Variants in SI observed in about 807,000 individuals in gnomAD.
SI encodes sucrase-isomaltase.
SI carries 235 observed loss-of-function variants against 253.3 expected under a neutral mutation model. The observed-to-expected ratio is 0.93, with a 90% CI of 0.83 to 1.03. The LOEUF is 1.03. SI is among the 50% of genes least tolerant of loss of function. The pLI, the probability that SI is intolerant of heterozygous loss-of-function variation, is 0.00. For synonymous variants in SI, 819 were observed against 712.0 expected, an observed-to-expected ratio of 1.15 and a Z score of -2.39; for missense variants, 2,442 against 2,211.1, an observed-to-expected ratio of 1.10 and a Z score of -2.09.
Position 165,017,660 on chromosome 3 carries a change from G to T in SI, c.3647C>A (p.Pro1216Gln). The stretch of plus-strand genomic sequence containing the variant: ...CAAAGCCCAATAAGCTGGCATGACT[G>T]GATGGCCAATTACCTTTAAAAAAAA... ...TKQYHEVIGH[P>Q]VMPAYWALGF... The change falls in exon 31 of 48, where the codon CCA (proline) becomes CAA (glutamine). Residue 1216 changes from proline to glutamine, a missense_variant. Transcript: ENST00000264382. 1 of 1,612,586 alleles carries T rather than the reference G, an allele frequency of 6.2e-7. No homozygotes were observed. Among genetic ancestry groups the T allele is most frequent in the Non-Finnish European group, 8.5e-7 (1 of 1,179,062 alleles).
chr3:165,023,507 G>A, intron 26 of SI, 63 bp downstream of exon 26: 1 of 1,065,966 alleles, frequency 9.4e-7, no homozygotes, highest in South Asian at 1.3e-5. Context: ...TCAATCACAG[G>A]ATTATTCAAA....
chr3:165,085,674 A>G, the SI span, among the ~76,000 whole-genome samples: 2 of 152,194 alleles, frequency 1.3e-5, no homozygotes, highest in African/African-American at 4.8e-5. Flanking sequence ...TCACTGCCTC[A>G]TAAACAATGT....
intron 20 of SI, among the ~76,000 whole-genome samples, chr3:165,038,774 A>G (rs936219635): frequency 1.3e-5 from 2 of 152,180 alleles, no homozygotes; most frequent in East Asian, 1.9e-4. Flanking sequence ...AAGCATTAAA[A>G]TAAGTTGCCA....
At chr3:164,994,707 G>A (rs1717931418) in intron 40 of SI, among the ~76,000 whole-genome samples, 1 of 151,640 alleles carries the variant, frequency 6.6e-6, no homozygotes, top group Non-Finnish European at 1.5e-5. Context: ...TTAGGTGATA[G>A]TCAGTGTTAG....
At chr3:164,986,655 T>A (rs997563188) in intron 45 of SI, among the ~76,000 whole-genome samples, 10 of 152,200 alleles carry the variant, frequency 6.6e-5, no homozygotes, top group African/African-American at 2.4e-4. Context: ...TGATTACATA[T>A]GTTTGTTATG....
At chr3:165,008,577 T>A (rs1259148428) in intron 35 of SI, among the ~76,000 whole-genome samples, 1 of 152,060 alleles carries the variant, frequency 6.6e-6, no homozygotes, top group African/African-American at 2.4e-5. Flanking sequence ...CCTTATGGTA[T>A]ACCAATTGCT....
rs548665378 is a variant in SI at position 165,011,786 on chromosome 3, A to T, written c.4062+1194T>A. ...TATTTATTTATTATTTATTATTATT[A>T]TTTATTTATTATTGTTCTATTTATT... On this transcript the variant is annotated intron_variant, in intron 34 of 47. Coordinates refer to ENST00000264382, the MANE Select transcript of SI (RefSeq NM_001041.4). 2.0e-5 allele frequency among the ~76,000 whole-genome samples: 3 copies of T among 147,410 alleles called. No individual in the cohort carries two copies. The East Asian group carries it at 5.9e-4, about 29-fold the overall frequency.
At chr3:164,997,606 C>T (rs1260795406) in intron 38 of SI, among the ~76,000 whole-genome samples, 1 of 151,636 alleles carries the variant, frequency 6.6e-6, no homozygotes, top group East Asian at 1.9e-4. Flanking sequence ...AAGCATAGTA[C>T]TTGACAGGCT....
At position 165,009,339 on chromosome 3, in the gene SI, C is replaced by G. The variant is rs751871061; in HGVS notation, c.4119G>C (p.Trp1373Cys). ...AAAAGTCCACAATTTCTCTGGCCCA[C>G]CACTCTGCTGTGGAAGTCCTGAAGA... is the stretch of plus-strand genomic sequence containing the variant. ...PDFFRTSTAE[W>C]WAREIVDFYN... The change falls in exon 35 of 48, where the codon TGG becomes TGC. Residue 1373 changes from tryptophan (W) to cysteine (C), a missense_variant. Trp to Cys is a radical substitution (Grantham distance 215, BLOSUM62 -2). Transcript: ENST00000264382. 1 of 1,613,676 alleles carries G rather than the reference C, an allele frequency of 6.2e-7. No homozygotes were observed. Among genetic ancestry groups the G allele is most frequent in the Non-Finnish European group, 8.5e-7 (1 of 1,179,728 alleles).
chr3:165,081,916 G>A (rs1163779608), upstream of SI, among the ~76,000 whole-genome samples: 2 of 152,092 alleles, frequency 1.3e-5, no homozygotes, highest in South Asian at 4.1e-4. Flanking sequence ...AGAACCATTG[G>A]AAAGACCGAT....
At chr3:165,034,045 A>T (rs185789575) in intron 22 of SI, among the ~76,000 whole-genome samples, 1 of 151,746 alleles carries the variant, frequency 6.6e-6, no homozygotes, top group African/African-American at 2.4e-5. Flanking sequence ...GGACTGAAAT[A>T]GTTTGTCATA....
rs1229533501 is a variant in SI, at chr3:164,983,012, T to C, written c.5237A>G (p.Asn1746Ser). ...ERDLYLSVQFNLNQTTLTSTI... is the reference protein window; with the variant it reads ...ERDLYLSVQFSLNQTTLTSTI... ...AATAATCTTACATACCTGGTTTAAA[T>C]TAAATTGTACAGATAAATATAGGTC... The change falls in exon 46 of 48, where the codon AAT becomes AGT. Residue 1746 changes from asparagine (N) to serine (S), a missense_variant. Transcript: ENST00000264382. 1 of 1,549,452 alleles carries C rather than the reference T, an allele frequency of 6.5e-7. No individual in the cohort carries two copies. The highest frequency in any genetic ancestry group is 8.8e-7 in the Non-Finnish European group (1 of 1,130,218).
At chr3:165,000,572 A>G (rs1028215853) in intron 37 of SI, among the ~76,000 whole-genome samples, 4 of 151,550 alleles carry the variant, frequency 2.6e-5, no homozygotes, top group African/African-American at 7.2e-5. Context: ...TTAATTGTAA[A>G]TTAAAATAAA....
At chr3:164,992,102 G>A (rs577524975) in intron 43 of SI, 75 bp downstream of exon 43, 87 of 1,203,162 alleles carry the variant, frequency 7.2e-5, no homozygotes, top group East Asian at 2.8e-4. Flanking sequence ...CCAACATACC[G>A]TTAATGAAAA....
At chr3:165,011,783 ATTAT>A (rs962167374) in intron 34 of SI, among the ~76,000 whole-genome samples, 8 of 147,452 alleles carry the variant, frequency 5.4e-5, no homozygotes, top group East Asian at 3.9e-4. Context: ...ATTTATTATT[ATTAT>A]TTATTTATTA....
chr3:165,048,591 A>C (rs1229913976), intron 15 of SI, among the ~76,000 whole-genome samples: 1 of 147,138 alleles, frequency 6.8e-6, no homozygotes, highest in Admixed American at 6.9e-5. Context: ...ATATAGAGAG[A>C]GAGAGAGAGA....
At chr3:164,993,887 G>A (rs917739077) in intron 41 of SI, among the ~76,000 whole-genome samples, 17 of 151,520 alleles carry the variant, frequency 1.1e-4, no homozygotes, top group African/African-American at 1.2e-4. Flanking sequence ...GTAGATTTAC[G>A]TAACTGCAGT....
At chr3:165,077,109 A>G (rs1715046598) in intron 1 of SI, among the ~76,000 whole-genome samples, 1 of 151,272 alleles carries the variant, frequency 6.6e-6, no homozygotes, top group African/African-American at 2.4e-5. Flanking sequence ...ATCATTCAAT[A>G]AGTCCATCTG....
At chr3:165,030,646 G>A in intron 25 of SI, 66 bp downstream of exon 25, 11 of 1,490,254 alleles carry the variant, frequency 7.4e-6, no homozygotes, top group Non-Finnish European at 1.0e-5. Context: ...ATTATAATAT[G>A]TAAAATTTGC....
Sources: gnomAD v4.1 joint callset for allele counts (sites outside exome capture counted in the v4.1 genomes callset) on GRCh38, gnomAD v4.1.1 for gene constraint, MANE v1.5 for transcripts, NCBI Gene and HGNC (gene_info 2026-07-23, HGNC 2026-07-21) for gene names.